Variants in RGS8 observed in about 807,000 individuals in gnomAD.
RGS8 encodes regulator of G-protein signaling 8.
RGS8 carries 8 observed loss-of-function variants against 21.7 expected under a neutral mutation model. The ratio of observed to expected loss-of-function variants is 0.37; its 90% CI spans 0.22 to 0.66. The LOEUF is 0.66. Among genes scored for constraint, RGS8 ranks in the 30% least tolerant of loss-of-function variants. The pLI is 0.59. For synonymous variants in RGS8, 80 were observed against 83.6 expected (o/e 0.96, Z 0.24); for missense variants, 157 against 217.9 (o/e 0.72, Z 1.76).
the RGS8 span, among the ~76,000 whole-genome samples, chr1:182,748,164 C>CA: frequency 6.6e-6 from 1 of 152,168 alleles, no homozygotes. Flanking sequence ...TACAATATTT[C>CA]ACCAACTGTA....
the RGS8 span, among the ~76,000 whole-genome samples, chr1:182,752,046 T>G: frequency 6.6e-6 from 1 of 152,158 alleles, no homozygotes; most frequent in Admixed American, 6.5e-5. Context: ...CCCAGAGGCA[T>G]TTGTGTTTGT....
the RGS8 span, among the ~76,000 whole-genome samples, chr1:182,728,374 T>C: frequency 1.3e-5 from 2 of 152,224 alleles, no homozygotes; most frequent in South Asian, 4.1e-4. Context: ...TATTTAATTA[T>C]ATAAATATGA....
At chr1:182,726,473 C>T in the RGS8 span, among the ~76,000 whole-genome samples, 1 of 152,074 alleles carries the variant, frequency 6.6e-6, no homozygotes, top group African/African-American at 2.4e-5. Flanking sequence ...GAGTTGGAGA[C>T]CAGCCTGACC....
At chr1:182,728,350 A>G in the RGS8 span, among the ~76,000 whole-genome samples, 3 of 152,250 alleles carry the variant, frequency 2.0e-5, no homozygotes, top group Non-Finnish European at 4.4e-5. Context: ...GTCAGAGTAC[A>G]TAAGAAGACA....
At chr1:182,729,660 TC>T in the RGS8 span, among the ~76,000 whole-genome samples, 2 of 152,202 alleles carry the variant, frequency 1.3e-5, no homozygotes, top group Non-Finnish European at 2.9e-5. Context: ...ACATTAAAAA[TC>T]TTATATAGAT....
At chr1:182,682,432 C>A (rs77356850) in intron 1 of RGS8, among the ~76,000 whole-genome samples, 3,821 of 152,266 alleles carry the variant, frequency 0.025, 68 homozygotes, top group Non-Finnish European at 0.035. Flanking sequence ...GCTTTCACTT[C>A]TCTGGCTGAA....
chr1:182,649,382 G>A (rs555881330), intron 5 of RGS8, among the ~76,000 whole-genome samples: 1 of 152,242 alleles, frequency 6.6e-6, no homozygotes, highest in Admixed American at 6.5e-5. Context: ...AATGCAGTCG[G>A]CAGTTTCATT....
the RGS8 span, among the ~76,000 whole-genome samples, chr1:182,741,270 T>G: frequency 5.9e-4 from 65 of 111,102 alleles, 1 homozygote; most frequent in Admixed American, 1.6e-3. Context: ...GGGCAGAAGC[T>G]CCCCTCACCT....
Position 182,666,803 on chromosome 1 carries a change from C to T in RGS8, c.128+69G>A, listed in dbSNP as rs534137789. The stretch of plus-strand genomic sequence containing the variant: ...TTCCAGTGGCTCATCTGGTCAGCAT[C>T]TCACTAAAGAAGTGAGCTATATGAC... On this transcript the variant is annotated intron_variant, in intron 4 of 6. Transcript: ENST00000483095. 8.9e-4 allele frequency: 1,041 copies of T among 1,167,508 alleles called. 15 individuals are homozygous for T. The South Asian group carries it at 0.012, about 14-fold the overall frequency. The allele number at this position is 1,167,508 out of a possible 1,614,324, so 72.3% of individuals were successfully genotyped here. A position where few individuals can be genotyped will look rare whatever the true frequency, so the allele number is the denominator to read the frequency against.
the RGS8 span, among the ~76,000 whole-genome samples, chr1:182,720,233 T>C: frequency 4.0e-3 from 614 of 152,302 alleles, 3 homozygotes; most frequent in African/African-American, 0.014. Context: ...TATTTTTGAG[T>C]AGCAAAAGTT....
chr1:182,669,552 A>G, intron 3 of RGS8, 72 bp downstream of exon 4: 1 of 1,610,100 alleles, frequency 6.2e-7, no homozygotes, highest in Non-Finnish European at 8.5e-7. Context: ...AGACTCAAAT[A>G]ACAGAGGGTG....
At chr1:182,705,270 C>A in the RGS8 span, among the ~76,000 whole-genome samples, 1 of 152,048 alleles carries the variant, frequency 6.6e-6, no homozygotes, top group African/African-American at 2.4e-5. Context: ...CAAAGAGTAC[C>A]CATGCCTGAC....
chr1:182,744,082 A>G, the RGS8 span, among the ~76,000 whole-genome samples: 1 of 152,216 alleles, frequency 6.6e-6, no homozygotes. Flanking sequence ...CTCCTGACTC[A>G]TAATGTACAC....
At chr1:182,731,712 A>C in the RGS8 span, among the ~76,000 whole-genome samples, 1 of 152,236 alleles carries the variant, frequency 6.6e-6, no homozygotes, top group Non-Finnish European at 1.5e-5. Flanking sequence ...ATGGACTACG[A>C]TTTAAATGAA....
At chr1:182,748,850 A>G in the RGS8 span, among the ~76,000 whole-genome samples, 23 of 152,208 alleles carry the variant, frequency 1.5e-4, no homozygotes, top group Middle Eastern at 3.4e-3. Flanking sequence ...TTCCCTGACA[A>G]TTAGTGATGT....
intron 1 of RGS8, among the ~76,000 whole-genome samples, chr1:182,683,856 C>T (rs192578656): frequency 1.1e-4 from 16 of 152,320 alleles, no homozygotes; most frequent in Admixed American, 7.2e-4. Flanking sequence ...CAAAGACCTG[C>T]ACATGTACTG....
chr1:182,672,718 A>G (rs1664223295), upstream of RGS8: 5 of 1,416,502 alleles, frequency 3.5e-6, no homozygotes, highest in Non-Finnish European at 5.0e-6. Context: ...CCCTACTTGC[A>G]TTTGTTATGG....
chr1:182,747,215 T>G, the RGS8 span, among the ~76,000 whole-genome samples: 3 of 151,790 alleles, frequency 2.0e-5, no homozygotes, highest in African/African-American at 7.3e-5. Context: ...TCTTCTATCT[T>G]TAGACACATG....
chr1:182,695,731 T>C, the RGS8 span, among the ~76,000 whole-genome samples: 1 of 152,346 alleles, frequency 6.6e-6, no homozygotes, highest in East Asian at 1.9e-4. Context: ...AGAAGCAAGA[T>C]AAAACAGAAC....
Sources: gnomAD v4.1 joint callset for allele counts (sites outside exome capture counted in the v4.1 genomes callset) on GRCh38, gnomAD v4.1.1 for gene constraint, MANE v1.5 for transcripts, NCBI Gene and HGNC (gene_info 2026-07-23, HGNC 2026-07-21) for gene names.